Variants in NT5DC1 observed in about 807,000 individuals in gnomAD.
NT5DC1 encodes 5'-nucleotidase domain-containing protein 1.
NT5DC1 carries 42 observed loss-of-function variants against 59.4 expected under a neutral mutation model. The ratio of observed to expected loss-of-function variants is 0.71; its 90% CI spans 0.55 to 0.92. The LOEUF is 0.92. NT5DC1 is among the 40% of genes least tolerant of loss of function. The pLI is 0.00. For synonymous variants in NT5DC1, 172 were observed against 188.1 expected, an observed-to-expected ratio of 0.91 and a Z score of 0.70; for missense variants, 501 against 537.1, an observed-to-expected ratio of 0.93 and a Z score of 0.66.
chr6:116,215,894 A>G (rs1781679815), intron 6 of NT5DC1, among the ~76,000 whole-genome samples: 1 of 152,184 alleles, frequency 6.6e-6, no homozygotes, highest in Admixed American at 6.5e-5. Context: ...GACTGTATTC[A>G]GCACAGAGTC....
intron 6 of NT5DC1, among the ~76,000 whole-genome samples, chr6:116,197,262 A>G (rs1004008417): frequency 1.3e-5 from 2 of 151,912 alleles, no homozygotes; most frequent in Non-Finnish European, 2.9e-5. Flanking sequence ...TTTGTCCTCA[A>G]CCACATACCA....
chr6:116,107,450 T>G (rs1778786437), intron 2 of NT5DC1, among the ~76,000 whole-genome samples: 1 of 151,866 alleles, frequency 6.6e-6, no homozygotes, highest in African/African-American at 2.4e-5. Context: ...TTCATAATAA[T>G]GAATCTGTAC....
chr6:116,242,954 G>A (rs994921447), intron 11 of NT5DC1, among the ~76,000 whole-genome samples: 4 of 152,080 alleles, frequency 2.6e-5, no homozygotes, highest in African/African-American at 9.7e-5. Context: ...CAGCACCAGA[G>A]GAGAAAAGCT....
At chr6:116,202,229 G>A (rs903172466) in intron 6 of NT5DC1, among the ~76,000 whole-genome samples, 4 of 151,936 alleles carry the variant, frequency 2.6e-5, no homozygotes, top group African/African-American at 9.7e-5. Context: ...GGCCTTCCTT[G>A]CACACACTTG....
At chr6:116,108,485 T>G (rs1293905800) in intron 3 of NT5DC1, 50 bp downstream of exon 3, 2 of 1,028,364 alleles carry the variant, frequency 1.9e-6, no homozygotes, top group Non-Finnish European at 3.1e-6. Context: ...CTGAGACACT[T>G]TATTACTGAG....
At chr6:116,236,270 A>C (rs1455990057) in intron 8 of NT5DC1, among the ~76,000 whole-genome samples, 1 of 152,332 alleles carries the variant, frequency 6.6e-6, no homozygotes, top group East Asian at 1.9e-4. Context: ...AATCTTCCTT[A>C]ATCATCATGC....
intron 6 of NT5DC1, among the ~76,000 whole-genome samples, chr6:116,122,263 G>C (rs935286234): frequency 6.6e-6 from 1 of 152,156 alleles, no homozygotes; most frequent in Non-Finnish European, 1.5e-5. Context: ...GGTAAATTTA[G>C]TACATTTATT....
At chr6:116,125,568 A>T (rs1779277127) in intron 6 of NT5DC1, 1 of 1,489,506 alleles carries the variant, frequency 6.7e-7, no homozygotes, top group Non-Finnish European at 9.3e-7. Context: ...TTTTATTCTC[A>T]TGTTTCACAG....
chr6:116,242,396 G>T (rs1771755366), intron 11 of NT5DC1, among the ~76,000 whole-genome samples: 1 of 151,412 alleles, frequency 6.6e-6, no homozygotes, highest in African/African-American at 2.4e-5. Flanking sequence ...TTGTTTATAA[G>T]AGATATATCT....
At chr6:116,154,052 C>CA (rs1436610046) in intron 6 of NT5DC1, among the ~76,000 whole-genome samples, 3 of 133,168 alleles carry the variant, frequency 2.3e-5, no homozygotes, top group African/African-American at 8.5e-5. Context: ...TTTTTTGAGA[C>CA]AGAGTCTGGT....
chr6:116,188,849 G>A (rs1781059288), intron 6 of NT5DC1, among the ~76,000 whole-genome samples: 1 of 151,816 alleles, frequency 6.6e-6, no homozygotes, highest in South Asian at 2.1e-4. Context: ...TTTAAGGAGA[G>A]AAGGCCTATT....
intron 6 of NT5DC1, among the ~76,000 whole-genome samples, chr6:116,138,692 A>G (rs1215092716): frequency 1.3e-5 from 2 of 152,136 alleles, no homozygotes; most frequent in African/African-American, 4.8e-5. Flanking sequence ...ATTTTGGGAG[A>G]CTTTTGAATT....
intron 6 of NT5DC1, among the ~76,000 whole-genome samples, chr6:116,118,646 CA>C (rs1223542386): frequency 2.0e-5 from 3 of 152,120 alleles, no homozygotes; most frequent in Non-Finnish European, 4.4e-5. Flanking sequence ...ATATTATAAC[CA>C]AAAACATGTC....
intron 6 of NT5DC1, among the ~76,000 whole-genome samples, chr6:116,142,360 CAT>C (rs1229166395): frequency 6.6e-6 from 1 of 151,432 alleles, no homozygotes. Flanking sequence ...AAATTAATAA[CAT>C]AAAAACCACA....
chr6:116,182,150 T>TC (rs1780892461), intron 6 of NT5DC1, among the ~76,000 whole-genome samples: 1 of 152,000 alleles, frequency 6.6e-6, no homozygotes. Context: ...ACCTAGAACC[T>TC]CCAATTTCAT....
intron 6 of NT5DC1, among the ~76,000 whole-genome samples, chr6:116,194,029 A>G (rs61645272): frequency 0.012 from 1,772 of 152,208 alleles, 36 homozygotes; most frequent in African/African-American, 0.041. Flanking sequence ...CCTGGGCAAC[A>G]GAGTGAAACC....
Position 116,236,979 on chromosome 6 carries a change from G to A in NT5DC1, c.816G>A (p.Glu272=). The A allele has an allele frequency of 6.3e-7, 1 of 1,596,960 alleles. No individual in the cohort carries two copies. Among genetic ancestry groups the A allele is most frequent in the Non-Finnish European group, 8.6e-7 (1 of 1,164,588 alleles). Residue 272 remains glutamate (E), a synonymous_variant, in exon 9 of 12, where the codon GAG becomes GAA. Transcript: ENST00000319550. ...RPFRTLENDE[E]QEALPSLDKP... ...CTGTATTTTCAGAGAATGATGAGGAGCAGGAGGCACTGCCATCTCTGGATA... is the reference window on the plus strand; with the variant it reads ...CTGTATTTTCAGAGAATGATGAGGAACAGGAGGCACTGCCATCTCTGGATA...
At chr6:116,127,735 A>G (rs988949447) in intron 6 of NT5DC1, among the ~76,000 whole-genome samples, 1 of 152,154 alleles carries the variant, frequency 6.6e-6, no homozygotes, top group African/African-American at 2.4e-5. Flanking sequence ...GTGTGTATAT[A>G]TGGTGATACA....
chr6:116,117,763 A>G (rs570607965), intron 5 of NT5DC1, 98 bp from the exon 6 acceptor site: 350 of 667,182 alleles, frequency 5.2e-4, no homozygotes, highest in Non-Finnish European at 8.3e-4. Flanking sequence ...AACCATCTTA[A>G]GTCAGGGACT....
Sources: gnomAD v4.1 joint callset for allele counts (sites outside exome capture counted in the v4.1 genomes callset) on GRCh38, gnomAD v4.1.1 for gene constraint, MANE v1.5 for transcripts, NCBI Gene and HGNC (gene_info 2026-07-23, HGNC 2026-07-21) for gene names.